The following TAFA1 variants were observed in gnomAD, a reference collection of about 807,000 sequenced individuals.
TAFA1 encodes the protein chemokine-like protein TAFA-1.
In TAFA1, 4 loss-of-function variants were observed where a neutral mutation model predicts 18.5. The observed-to-expected ratio is 0.22, with a 90% CI of 0.11 to 0.49. TAFA1 has a LOEUF of 0.49. Ranked by LOEUF, TAFA1 falls within the 20% of genes least tolerant of loss-of-function variation. The probability of loss-of-function intolerance (pLI) is 0.98; values close to 1 mark genes in which losing one functional copy is unlikely to be tolerated. For synonymous variants in TAFA1, 56 were observed against 55.2 expected (o/e 1.01, Z -0.06); for missense variants, 147 against 169.0 (o/e 0.87, Z 0.72).
At chr3:68,451,394 G>T (rs57463328) in intron 3 of TAFA1, among the ~76,000 whole-genome samples, 1 of 152,230 alleles carries the variant, frequency 6.6e-6, no homozygotes, top group East Asian at 1.9e-4. Context: ...TAAGACTGAA[G>T]GGAGGTTGTC....
intron 2 of TAFA1, among the ~76,000 whole-genome samples, chr3:68,397,432 T>G (rs1255926406): frequency 6.6e-6 from 1 of 152,164 alleles, no homozygotes; most frequent in Admixed American, 6.6e-5. Flanking sequence ...TGTTCCTGTG[T>G]TAGTTTGCTG....
intron 2 of TAFA1, among the ~76,000 whole-genome samples, chr3:68,328,062 G>A (rs9809500): frequency 2.6e-5 from 4 of 152,062 alleles, no homozygotes; most frequent in Non-Finnish European, 4.4e-5. Flanking sequence ...CCTGGTTAAC[G>A]TCGGCCTGTG....
chr3:68,324,231 T>G lies in TAFA1; in HGVS notation c.119-93049T>G, dbSNP rs549888100. ...TGGATTGTGTTTGTTTTTGATATTTTTCTATGCCTTGTTGATAAATATAGC... is the reference window on the plus strand; with the variant it reads ...TGGATTGTGTTTGTTTTTGATATTTGTCTATGCCTTGTTGATAAATATAGC... On this transcript the variant is annotated intron_variant, in intron 2 of 4. Coordinates refer to ENST00000478136, the MANE Select transcript of TAFA1 (RefSeq NM_213609.4). 2.0e-3 allele frequency among the ~76,000 whole-genome samples: 299 copies of G among 152,306 alleles called. 2 individuals carry two copies. The highest frequency in any genetic ancestry group is 5.8e-3 in the Admixed American group (89 of 15,290).
chr3:68,321,362 C>G (rs2068695485), intron 2 of TAFA1, among the ~76,000 whole-genome samples: 1 of 152,090 alleles, frequency 6.6e-6, no homozygotes, highest in African/African-American at 2.4e-5. Context: ...ATAGTAAAGG[C>G]TCAATAAATT....
At chr3:68,029,041 C>A (rs897414181) in intron 2 of TAFA1, among the ~76,000 whole-genome samples, 8 of 151,962 alleles carry the variant, frequency 5.3e-5, no homozygotes, top group Admixed American at 6.6e-5. Flanking sequence ...GCATGAGCCA[C>A]CATGACTGGC....
At chr3:68,333,863 G>T (rs1476954403) in intron 2 of TAFA1, among the ~76,000 whole-genome samples, 2 of 152,302 alleles carry the variant, frequency 1.3e-5, no homozygotes, top group East Asian at 3.9e-4. Context: ...CAACATGGAT[G>T]AACCTGGAGG....
rs1216617407 is a variant in TAFA1, at chr3:68,332,450, A to G, written c.119-84830A>G. On this transcript the variant is annotated intron_variant, in intron 2 of 4. Coordinates refer to ENST00000478136, the MANE Select transcript of TAFA1 (RefSeq NM_213609.4). ...ACTAAAAAGTTATTGCACAGCAAAGAAAACAGTCAACAAAATGAAAGGCAA... is the reference window on the plus strand; with the variant it reads ...ACTAAAAAGTTATTGCACAGCAAAGGAAACAGTCAACAAAATGAAAGGCAA... Among the ~76,000 whole-genome samples, 4 of 152,228 alleles carry G rather than the reference A, an allele frequency of 2.6e-5. No homozygotes were observed. The East Asian group carries it at 5.8e-4, about 22-fold the overall frequency.
intron 3 of TAFA1, among the ~76,000 whole-genome samples, chr3:68,506,145 T>G (rs2106718627): frequency 6.6e-6 from 1 of 152,122 alleles, no homozygotes; most frequent in East Asian, 1.9e-4. Flanking sequence ...TGGTGTTGGG[T>G]TTTCTGTTCT....
At chr3:68,088,294 C>T (rs1202462747) in intron 2 of TAFA1, among the ~76,000 whole-genome samples, 3 of 152,152 alleles carry the variant, frequency 2.0e-5, no homozygotes, top group Non-Finnish European at 4.4e-5. Flanking sequence ...TGCTATCAGG[C>T]TCAGAATTTA....
At chr3:68,101,695 C>T (rs1265698377) in intron 2 of TAFA1, among the ~76,000 whole-genome samples, 1 of 152,092 alleles carries the variant, frequency 6.6e-6, no homozygotes, top group Non-Finnish European at 1.5e-5. Flanking sequence ...CTGAGAAATG[C>T]AATGGAGAAC....
At chr3:68,031,906 G>A (rs956126800) in intron 2 of TAFA1, among the ~76,000 whole-genome samples, 3 of 152,052 alleles carry the variant, frequency 2.0e-5, no homozygotes, top group South Asian at 2.1e-4. Context: ...TCATTGGGAC[G>A]CGTTTTTTAA....
chr3:68,048,983 T>C (rs9865625), intron 2 of TAFA1, among the ~76,000 whole-genome samples: 1 of 152,182 alleles, frequency 6.6e-6, no homozygotes, highest in Non-Finnish European at 1.5e-5. Context: ...TACCTAGCAG[T>C]GGGATTACTG....
At chr3:68,046,136 C>T (rs1030608626) in intron 2 of TAFA1, among the ~76,000 whole-genome samples, 5 of 152,106 alleles carry the variant, frequency 3.3e-5, no homozygotes, top group African/African-American at 1.2e-4. Context: ...TTTGCAACTG[C>T]AGTGTTGGAT....
intron 3 of TAFA1, among the ~76,000 whole-genome samples, chr3:68,436,946 C>A (rs961107079): frequency 6.6e-5 from 10 of 152,306 alleles, no homozygotes; most frequent in African/African-American, 1.9e-4. Flanking sequence ...AAAACTGTTT[C>A]TGTTCTTTCT....
Position 68,338,526 on chromosome 3 carries a change from T to C in TAFA1, c.119-78754T>C, listed in dbSNP as rs1357771094. ...TGTGCCATATTCTGTGTTGAACCCT[T>C]TATAATGAAGCATTTTGTGTTAAGG... On this transcript the variant is annotated intron_variant, in intron 2 of 4. Transcript: ENST00000478136. 1.1e-4 allele frequency among the ~76,000 whole-genome samples: 16 copies of C among 152,092 alleles called. 1 individual carries two copies.
At chr3:68,147,664 C>A (rs1410261725) in intron 2 of TAFA1, among the ~76,000 whole-genome samples, 2 of 152,120 alleles carry the variant, frequency 1.3e-5, no homozygotes, top group Non-Finnish European at 2.9e-5. Context: ...AGACAATTTT[C>A]TGAAACACTT....
chr3:68,254,390 T>C (rs2067258557), intron 2 of TAFA1, among the ~76,000 whole-genome samples: 1 of 152,122 alleles, frequency 6.6e-6, no homozygotes, highest in Non-Finnish European at 1.5e-5. Flanking sequence ...TTAGATGTGC[T>C]TTTTCATTAA....
intron 2 of TAFA1, among the ~76,000 whole-genome samples, chr3:68,331,851 CTTTTCTTTT>C (rs1343371191): frequency 1.1e-5 from 1 of 91,700 alleles, no homozygotes; most frequent in East Asian, 4.0e-4. Flanking sequence ...ATAGTCTTTT[CTTTTCTTTT>C]TTTTTTTTTT....
chr3:68,193,008 G>A lies in TAFA1; in HGVS notation c.118+186264G>A, dbSNP rs897262095. On this transcript the variant is annotated intron_variant, in intron 2 of 4. Coordinates refer to ENST00000478136, the MANE Select transcript of TAFA1 (RefSeq NM_213609.4). ...TGTCTCTATTTGAGCCCAATGGTGGGCATGGACAGATATGGTAGTCTCCTT... is the reference window on the plus strand; with the variant it reads ...TGTCTCTATTTGAGCCCAATGGTGGACATGGACAGATATGGTAGTCTCCTT... 4.0e-5 allele frequency among the ~76,000 whole-genome samples: 6 copies of A among 151,768 alleles called. No individual in the cohort carries two copies. The South Asian group carries it at 8.3e-4, about 21-fold the overall frequency.
Sources: allele counts gnomAD v4.1 joint callset (sites outside exome capture counted in the v4.1 genomes callset), GRCh38; gene constraint gnomAD v4.1.1; transcripts MANE v1.5; gene names NCBI Gene and HGNC (gene_info 2026-07-23, HGNC 2026-07-21).